Variants in PRICKLE2 observed in about 807,000 individuals in gnomAD.
PRICKLE2 encodes prickle planar cell polarity protein 2, also known as prickle-like protein 2.
A neutral mutation model predicts 81.4 loss-of-function variants in PRICKLE2; 21 were observed. That is an observed-to-expected ratio of 0.26 (90% CI 0.18 to 0.37). The LOEUF is 0.37. Ranked by LOEUF, PRICKLE2 falls within the 10% of genes least tolerant of loss-of-function variation. The probability of loss-of-function intolerance (pLI) is 1.00; values close to 1 mark genes in which losing one functional copy is unlikely to be tolerated. For missense variants in PRICKLE2, 940 were observed against 1,109.0 expected, an observed-to-expected ratio of 0.85 and a Z score of 2.16; for synonymous variants, 456 against 421.5, an observed-to-expected ratio of 1.08 and a Z score of -1.00.
chr3:64,155,338 A>T (rs1366278831), intron 5 of PRICKLE2, among the ~76,000 whole-genome samples: 1 of 150,602 alleles, frequency 6.6e-6, no homozygotes, highest in Non-Finnish European at 1.5e-5. Context: ...ATGTGATACT[A>T]CTTCATACCC....
chr3:64,117,878 G>A (rs1412864104), intron 7 of PRICKLE2, among the ~76,000 whole-genome samples: 1 of 151,868 alleles, frequency 6.6e-6, no homozygotes, highest in Non-Finnish European at 1.5e-5. Flanking sequence ...AAACAAAAAA[G>A]AGCCCAAATA....
intron 7 of PRICKLE2, among the ~76,000 whole-genome samples, chr3:64,113,299 T>C (rs1481389553): frequency 6.6e-6 from 1 of 152,180 alleles, no homozygotes; most frequent in Non-Finnish European, 1.5e-5. Flanking sequence ...CTAGAAGAAC[T>C]GTTGGACCTG....
intron 7 of PRICKLE2, among the ~76,000 whole-genome samples, chr3:64,138,225 G>A (rs1035879906): frequency 1.3e-5 from 2 of 151,756 alleles, no homozygotes; most frequent in African/African-American, 4.8e-5. Context: ...CTTCTCCATT[G>A]TCAGTCCTGA....
rs186112856 is a variant in PRICKLE2 at position 64,213,760 on chromosome 3, T to C, written c.-41+11150A>G. On this transcript the variant is annotated intron_variant, in intron 1 of 7. Transcript: ENST00000638394. ...CTGTGTCAAACGCTTTCCACGCTTT[T>C]CTTATTAATCCTCAAACCACACTAT... Among the ~76,000 whole-genome samples, 938 of 145,202 alleles carry C rather than the reference T, an allele frequency of 6.5e-3. 5 individuals carry two copies. The highest frequency in any genetic ancestry group is 0.023 in the African/African-American group (878 of 37,896).
At chr3:64,239,081 A>C (rs1161245988) in intron 2 of PRICKLE2, among the ~76,000 whole-genome samples, 1 of 152,138 alleles carries the variant, frequency 6.6e-6, no homozygotes, top group Non-Finnish European at 1.5e-5. Flanking sequence ...CGGATGTCAG[A>C]GCAGACTGCC....
At chr3:64,146,711 C>G in intron 7 of PRICKLE2, 119 bp downstream of exon 7, 2 of 1,171,290 alleles carry the variant, frequency 1.7e-6, no homozygotes, top group Admixed American at 1.8e-5. Flanking sequence ...CCACTGCACT[C>G]CAGCCTGGGG....
intron 2 of PRICKLE2, among the ~76,000 whole-genome samples, chr3:64,246,175 G>A (rs970391918): frequency 1.3e-5 from 2 of 152,158 alleles, no homozygotes; most frequent in Admixed American, 1.3e-4. Flanking sequence ...CTGGGAGGCA[G>A]AGGTTGCAGT....
intron 2 of PRICKLE2, chr3:64,194,384 G>C (rs1425163906): frequency 6.6e-6 from 1 of 152,234 alleles, no homozygotes; most frequent in Non-Finnish European, 1.5e-5. Flanking sequence ...ATTCTGCTGA[G>C]ATGTCCTCCA....
At chr3:64,127,518 T>C (rs1438500742) in intron 7 of PRICKLE2, among the ~76,000 whole-genome samples, 5 of 152,148 alleles carry the variant, frequency 3.3e-5, no homozygotes, top group Admixed American at 3.3e-4. Context: ...GTATCATCAT[T>C]CTCATTTTTT....
In PRICKLE2 at chr3:64,225,007, T is replaced by C; in HGVS notation, c.-138A>G. On this transcript the variant is annotated 5_prime_UTR_variant, in exon 1 of 8. Coordinates refer to ENST00000638394, the MANE Select transcript of PRICKLE2 (RefSeq NM_198859.4). ...GTTCACTTTCTCCCTGGATCTGACTTCTAAGAACGCAAGCAGGACCTCAGG... is the reference window on the plus strand; with the variant it reads ...GTTCACTTTCTCCCTGGATCTGACTCCTAAGAACGCAAGCAGGACCTCAGG... 2 of 985,394 alleles carry C rather than the reference T, an allele frequency of 2.0e-6. No homozygotes were observed. Among genetic ancestry groups the C allele is most frequent in the South Asian group, 9.4e-5 (2 of 21,266 alleles). 61.0% of individuals were successfully genotyped at this position (985,394 alleles called of 1,614,324 possible).
At chr3:64,183,915 G>A (rs1374222304) in intron 2 of PRICKLE2, among the ~76,000 whole-genome samples, 1 of 152,200 alleles carries the variant, frequency 6.6e-6, no homozygotes, top group Non-Finnish European at 1.5e-5. Flanking sequence ...TGATGTCGTA[G>A]GGGAAGAGTG....
chr3:64,243,240 C>A (rs1394243541), intron 2 of PRICKLE2, among the ~76,000 whole-genome samples: 1 of 152,198 alleles, frequency 6.6e-6, no homozygotes, highest in Non-Finnish European at 1.5e-5. Flanking sequence ...GGGCCTAGAA[C>A]AGCATTTCTC....
At chr3:64,236,634 G>T (rs868223065) in intron 2 of PRICKLE2, among the ~76,000 whole-genome samples, 1 of 152,080 alleles carries the variant, frequency 6.6e-6, no homozygotes, top group Non-Finnish European at 1.5e-5. Flanking sequence ...ATAAATAAAA[G>T]ACATCTAATT....
chr3:64,238,990 A>G (rs551610794), intron 2 of PRICKLE2, among the ~76,000 whole-genome samples: 1 of 151,920 alleles, frequency 6.6e-6, no homozygotes. Flanking sequence ...CTGCCTGTTT[A>G]TTCTTCTAGC....
intron 2 of PRICKLE2, among the ~76,000 whole-genome samples, chr3:64,183,378 A>G (rs1035981364): frequency 1.3e-5 from 2 of 152,176 alleles, no homozygotes; most frequent in Non-Finnish European, 2.9e-5. Flanking sequence ...TCAAATAAAC[A>G]AAATAACACA....
At chr3:64,247,375 A>G (rs575492683) in intron 2 of PRICKLE2, among the ~76,000 whole-genome samples, 28 of 152,330 alleles carry the variant, frequency 1.8e-4, no homozygotes, top group African/African-American at 6.7e-4. Context: ...ATGTATTTAT[A>G]GGCTACAGAT....
intron 2 of PRICKLE2, among the ~76,000 whole-genome samples, chr3:64,244,187 G>A (rs775342808): frequency 5.4e-4 from 82 of 152,234 alleles, no homozygotes; most frequent in Non-Finnish European, 9.0e-4. Context: ...ATATTCTGTC[G>A]AAATCAACCA....
At chr3:64,183,354 A>C (rs2078166574) in intron 2 of PRICKLE2, among the ~76,000 whole-genome samples, 1 of 152,182 alleles carries the variant, frequency 6.6e-6, no homozygotes, top group Admixed American at 6.5e-5. Context: ...AAAATTTTAA[A>C]AGTTATTTTA....
chr3:64,242,721 A>C (rs958165648), intron 2 of PRICKLE2, among the ~76,000 whole-genome samples: 1 of 152,186 alleles, frequency 6.6e-6, no homozygotes, highest in Non-Finnish European at 1.5e-5. Context: ...CTTTGGGTAC[A>C]CTTCACCCAC....
Sources: allele counts gnomAD v4.1 joint callset (sites outside exome capture counted in the v4.1 genomes callset), GRCh38; gene constraint gnomAD v4.1.1; transcripts MANE v1.5; gene names NCBI Gene and HGNC (gene_info 2026-07-23, HGNC 2026-07-21).